The following SP2 variants were observed in gnomAD, a reference collection of about 807,000 sequenced individuals.
SP2 encodes transcription factor Sp2.
A neutral mutation model predicts 50.1 loss-of-function variants in SP2; 9 were observed. That is an observed-to-expected ratio of 0.18 (90% CI 0.11 to 0.31). The LOEUF is 0.31. Among genes scored for constraint, SP2 ranks in the 10% least tolerant of loss-of-function variants. SP2 has a pLI of 1.00. For missense variants in SP2, 581 were observed against 806.5 expected (o/e 0.72, Z 3.39); for synonymous variants, 313 against 326.6 (o/e 0.96, Z 0.45).
chr17:47,906,765 G>C (rs1343533067), intron 1 of SP2, among the ~76,000 whole-genome samples: 1 of 152,166 alleles, frequency 6.6e-6, no homozygotes, highest in Non-Finnish European at 1.5e-5. Context: ...CAGTGCCCCA[G>C]GTGTCTGTGG....
chr17:47,914,322 G>C (rs994484539), intron 1 of SP2, among the ~76,000 whole-genome samples: 1 of 151,422 alleles, frequency 6.6e-6, no homozygotes, highest in African/African-American at 2.4e-5. Flanking sequence ...AATGAGCCAG[G>C]ATCGTGCCAT....
intron 1 of SP2, chr17:47,909,683 A>G (rs1054558475): frequency 6.1e-6 from 6 of 983,392 alleles, no homozygotes; most frequent in Non-Finnish European, 7.2e-6. Flanking sequence ...GGAGGAGGCT[A>G]AGAGGGACCA....
intron 1 of SP2, among the ~76,000 whole-genome samples, chr17:47,906,876 A>G (rs2034784238): frequency 6.6e-6 from 1 of 152,070 alleles, no homozygotes; most frequent in Non-Finnish European, 1.5e-5. Flanking sequence ...CAGCCTGTGG[A>G]AGGTATGTAA....
chr17:47,907,074 G>C (rs1260477009), intron 1 of SP2, among the ~76,000 whole-genome samples: 2 of 152,102 alleles, frequency 1.3e-5, no homozygotes, highest in Non-Finnish European at 2.9e-5. Flanking sequence ...GGGGCTATTG[G>C]ATTGAGCAGC....
intron 3 of SP2, 87 bp from the exon 4 acceptor site, chr17:47,922,875 C>T: frequency 8.3e-7 from 1 of 1,201,932 alleles, no homozygotes; most frequent in Non-Finnish European, 1.2e-6. Flanking sequence ...ACAGGCGCCC[C>T]CAGTTCTCAC....
intron 6 of SP2, among the ~76,000 whole-genome samples, chr17:47,926,315 GT>G (rs71366809): frequency 1.1e-3 from 155 of 140,080 alleles, no homozygotes; most frequent in Non-Finnish European, 1.1e-3. Flanking sequence ...ATGGCTTTTT[GT>G]TTTTTTTTTT....
chr17:47,926,321 T>TG (rs1007221241), intron 6 of SP2, among the ~76,000 whole-genome samples: 2 of 150,908 alleles, frequency 1.3e-5, no homozygotes, highest in African/African-American at 2.4e-5. Context: ...TTTTGTTTTT[T>TG]TTTTTTTTTA....
In SP2 at chr17:47,922,977, C is replaced by T. The variant is rs934534927; in HGVS notation, c.1075C>T (p.Pro359Ser). 2 of 1,612,668 alleles carry T rather than the reference C, an allele frequency of 1.2e-6. No individual in the cohort carries two copies. The highest frequency in any genetic ancestry group is 1.1e-5 in the South Asian group (1 of 91,052). The change falls in exon 4 of 7, where the codon CCT (proline) becomes TCT (serine). Residue 359 changes from proline to serine, a missense_variant. Pro to Ser is a moderately conservative substitution (Grantham distance 74). Coordinates refer to ENST00000376741, the MANE Select transcript of SP2 (RefSeq NM_003110.6). ...PTPTQVYIRT[P>S]SGEVQTVLVQ... ...CCCCTCCCAGGTCTACATCCGCACG[C>T]CTTCCGGTGAGGTGCAGACAGTCCT... is the stretch of plus-strand genomic sequence containing the variant.
intron 1 of SP2, among the ~76,000 whole-genome samples, chr17:47,908,147 C>G (rs994865586): frequency 6.6e-6 from 1 of 152,210 alleles, no homozygotes; most frequent in Non-Finnish European, 1.5e-5. Flanking sequence ...ACGTCCAGCA[C>G]TAGCAGTCTG....
intron 1 of SP2, among the ~76,000 whole-genome samples, chr17:47,906,728 G>A (rs1250011737): frequency 6.6e-6 from 1 of 152,146 alleles, no homozygotes; most frequent in Non-Finnish European, 1.5e-5. Context: ...TGAGAAGGCT[G>A]GACAAAGAAT....
In SP2 at chr17:47,915,283, A is replaced by G. The variant is rs773108817; in HGVS notation, c.8-29A>G. On this transcript the variant is annotated intron_variant, in intron 1 of 6. Transcript: ENST00000376741. Reference sequence around the variant, plus strand: ...CTTGCGTTCTTTTTGGGCATTTTATACATTACTCCATCTCTTTTCTTCCAA... The same window carrying G: ...CTTGCGTTCTTTTTGGGCATTTTATGCATTACTCCATCTCTTTTCTTCCAA... The G allele has an allele frequency of 2.6e-6, 4 of 1,535,974 alleles. No homozygotes were observed. In the Admixed American group the frequency reaches 5.5e-5, roughly 21 times the overall value.
At chr17:47,931,170 T>C (rs2035810117), downstream of SP2, among the ~76,000 whole-genome samples, 1 of 151,936 alleles carries the variant, frequency 6.6e-6, no homozygotes, top group African/African-American at 2.4e-5. Flanking sequence ...AGTGAAACCC[T>C]GTCTCTACTA....
At position 47,925,423 on chromosome 17, in the gene SP2, G is replaced by A; in HGVS notation, c.1623G>A (p.Leu541=). Residue 541 remains leucine (L), a synonymous_variant, in exon 6 of 7, where the codon TTG becomes TTA. Coordinates refer to ENST00000376741, the MANE Select transcript of SP2 (RefSeq NM_003110.6). ...DCGKTFRKTS[L]LRAHVRLHTG... The stretch of plus-strand genomic sequence containing the variant: ...GCAAGACGTTCCGTAAGACGTCCTT[G>A]CTGCGTGCCCATGTGCGCCTGCACA... 1.2e-6 allele frequency: 2 copies of A among 1,614,234 alleles called. No individual in the cohort carries two copies. Among genetic ancestry groups the A allele is most frequent in the Non-Finnish European group, 1.7e-6 (2 of 1,180,052 alleles).
chr17:47,912,285 T>G (rs2035021181), intron 1 of SP2, among the ~76,000 whole-genome samples: 1 of 152,208 alleles, frequency 6.6e-6, no homozygotes, highest in African/African-American at 2.4e-5. Context: ...TGCCCAGAGC[T>G]GCCCTCCAGC....
At chr17:47,911,974 C>T (rs1057081348) in intron 1 of SP2, among the ~76,000 whole-genome samples, 2 of 152,174 alleles carry the variant, frequency 1.3e-5, no homozygotes, top group Admixed American at 1.3e-4. Flanking sequence ...CCCAGACAAA[C>T]TAGACTATCA....
At position 47,916,721 on chromosome 17, in the gene SP2, A is replaced by T; in HGVS notation, c.650A>T (p.Asn217Ile). The T allele has an allele frequency of 6.2e-7, 1 of 1,613,354 alleles. No homozygotes were observed. Among genetic ancestry groups the T allele is most frequent in the Non-Finnish European group, 8.5e-7 (1 of 1,179,468 alleles). The change falls in exon 3 of 7, where the codon AAC (asparagine) becomes ATC (isoleucine). Residue 217 changes from asparagine (N) to isoleucine (I), a missense_variant. Transcript: ENST00000376741. The surrounding 1 kb of genome is among the most constrained non-coding windows in gnomAD (Gnocchi z 4.7). ...GGNVTLTLPV[N>I]NLVNASDTGA... ...AATGTGACGCTCACTCTGCCCGTCA[A>T]CAACCTTGTGAACGCCAGTGACACC...
intron 1 of SP2, among the ~76,000 whole-genome samples, chr17:47,903,276 A>C (rs1373761728): frequency 6.6e-6 from 1 of 152,232 alleles, no homozygotes; most frequent in Non-Finnish European, 1.5e-5. Flanking sequence ...AATCATTTAG[A>C]ATTTGAGAGG....
rs200996583 is a variant in SP2, at chr17:47,921,291, C to G, written c.1060-1671C>G. 3.9e-5 allele frequency among the ~76,000 whole-genome samples: 6 copies of G among 152,308 alleles called. No homozygotes were observed. In the East Asian group the frequency reaches 7.7e-4, roughly 20 times the overall value. On this transcript the variant is annotated intron_variant, in intron 3 of 6. Transcript: ENST00000376741. The stretch of plus-strand genomic sequence containing the variant: ...TGAGATGGAGTCTCGCTCTGTCACC[C>G]AGGCTGGAGTGCAGTGGCACAATCT...
At chr17:47,904,688 A>G (rs1035193824) in intron 1 of SP2, among the ~76,000 whole-genome samples, 1 of 147,426 alleles carries the variant, frequency 6.8e-6, no homozygotes, top group Non-Finnish European at 1.5e-5. Flanking sequence ...AGTTGTTCTC[A>G]TTGAAATGAA....
Sources: allele counts gnomAD v4.1 joint callset (sites outside exome capture counted in the v4.1 genomes callset), GRCh38; gene constraint gnomAD v4.1.1; non-coding constraint Gnocchi (gnomAD v3.1); transcripts MANE v1.5; gene names NCBI Gene and HGNC (gene_info 2026-07-23, HGNC 2026-07-21).